Variants in SLC25A4 observed in about 807,000 individuals in gnomAD.
The protein encoded by SLC25A4 is ADP/ATP translocase 1.
In SLC25A4, 10 loss-of-function variants were observed where a neutral mutation model predicts 24.7. The observed-to-expected ratio is 0.41, with a 90% CI of 0.25 to 0.69. The LOEUF (loss-of-function observed/expected upper bound fraction) is 0.69. SLC25A4 is among the 30% of genes least tolerant of loss of function. The probability of loss-of-function intolerance (pLI) is 0.35; values close to 1 mark genes in which losing one functional copy is unlikely to be tolerated. For synonymous variants in SLC25A4, 125 were observed against 153.3 expected, an observed-to-expected ratio of 0.82 and a Z score of 1.36; for missense variants, 273 against 387.6, an observed-to-expected ratio of 0.70 and a Z score of 2.48.
Position 185,144,660 on chromosome 4 carries a change from C to T in SLC25A4, c.112-104C>T. The T allele has an allele frequency of 1.0e-5, 11 of 1,082,272 alleles. No individual in the cohort carries two copies. In the Admixed American group the frequency reaches 1.2e-4, roughly 12 times the overall value. 67.0% of individuals were successfully genotyped at this position (1,082,272 alleles called of 1,614,324 possible). On this transcript the variant is annotated intron_variant, in intron 1 of 3. Coordinates refer to ENST00000281456, the MANE Select transcript of SLC25A4 (RefSeq NM_001151.4). The stretch of plus-strand genomic sequence containing the variant: ...CATTTGATTTCCTCATCCTTTTTTT[C>T]TTCAAAAAAAAAATCTAGGAAGTGC...
chr4:185,145,397 A>C lies in SLC25A4; in HGVS notation c.598+147A>C. On this transcript the variant is annotated intron_variant, in intron 2 of 3. Transcript: ENST00000281456. This position sits in a 1 kb window ranked among gnomAD's most constrained non-coding sequence, Gnocchi z 5.5. ...GCTTCTGAATGAGGAGGTGATGTGC[A>C]TAAGTTAATAGCTGAAGCGTTCCTT... 1 of 1,210,648 alleles carries C rather than the reference A, an allele frequency of 8.3e-7. No individual in the cohort carries two copies. The allele number at this position is 1,210,648 out of a possible 1,614,324, so 75.0% of individuals were successfully genotyped here.
rs1579210785 is a variant in SLC25A4 at position 185,146,794 on chromosome 4, A to C, written c.740-20A>C. 1 of 1,614,046 alleles carries C rather than the reference A, an allele frequency of 6.2e-7. No homozygotes were observed. The highest frequency in any genetic ancestry group is 8.5e-7 in the Non-Finnish European group (1 of 1,179,950). On this transcript the variant is annotated intron_variant, in intron 3 of 3. Coordinates refer to ENST00000281456, the MANE Select transcript of SLC25A4 (RefSeq NM_001151.4). Reference sequence around the variant, plus strand: ...TTTCCTCCAGCGTTACGGAGCCCTCACCAGCATTTGTTTCCACAGCCGATA... The same window carrying C: ...TTTCCTCCAGCGTTACGGAGCCCTCCCCAGCATTTGTTTCCACAGCCGATA...
Position 185,143,330 on chromosome 4 carries a change from C to A in SLC25A4, c.-43C>A. On this transcript the variant is annotated 5_prime_UTR_variant, in exon 1 of 4. Coordinates refer to ENST00000281456, the MANE Select transcript of SLC25A4 (RefSeq NM_001151.4). ...GTGCCAGGCCGGGCGTGGGCGAGAGCACGAACGGGCTGCCTGCGGGCTGAG... is the reference window on the plus strand; with the variant it reads ...GTGCCAGGCCGGGCGTGGGCGAGAGAACGAACGGGCTGCCTGCGGGCTGAG... 1 of 1,234,890 alleles carries A rather than the reference C, an allele frequency of 8.1e-7. No individual in the cohort carries two copies. The highest frequency in any genetic ancestry group is 1.1e-6 in the Non-Finnish European group (1 of 874,024). The allele number at this position is 1,234,890 out of a possible 1,614,324, so 76.5% of individuals were successfully genotyped here.
chr4:185,145,306 A>G lies in SLC25A4; in HGVS notation c.598+56A>G, dbSNP rs1446805627. On this transcript the variant is annotated intron_variant, in intron 2 of 3. Coordinates refer to ENST00000281456, the MANE Select transcript of SLC25A4 (RefSeq NM_001151.4). The surrounding 1 kb of genome is among the most constrained non-coding windows in gnomAD (Gnocchi z 5.5). ...TGGTGTGGAAAGAGGATCCTATGGG[A>G]TCTATAACTCACAAAGGACCTGATA... 6.2e-7 allele frequency: 1 copy of G among 1,610,740 alleles called. No homozygotes were observed. The highest frequency in any genetic ancestry group is 1.3e-5 in the African/African-American group (1 of 74,894).
At position 185,144,839 on chromosome 4, in the gene SLC25A4, A is replaced by G. The variant is rs1560841664; in HGVS notation, c.187A>G (p.Lys63Glu). 1 of 1,614,114 alleles carries G rather than the reference A, an allele frequency of 6.2e-7. No homozygotes were observed. Among genetic ancestry groups the G allele is most frequent in the African/African-American group, 1.3e-5 (1 of 75,006 alleles). Residue 63 changes from lysine to glutamate, a missense_variant, in exon 2 of 4, where the codon AAG (lysine) becomes GAG (glutamate). Coordinates refer to ENST00000281456, the MANE Select transcript of SLC25A4 (RefSeq NM_001151.4). ...CATTGATTGTGTGGTGAGAATCCCT[A>G]AGGAGCAGGGCTTCCTCTCCTTCTG... ...GIIDCVVRIP[K>E]EQGFLSFWRG...
Position 185,149,676 on chromosome 4 carries a change from G to A in SLC25A4, c.*2705G>A, listed in dbSNP as rs1050264390. The A allele has an allele frequency of 1.3e-5, 2 of 152,202 alleles. No homozygotes were observed. Among genetic ancestry groups the A allele is most frequent in the African/African-American group, 2.4e-5 (1 of 41,426 alleles). 9.4% of individuals were successfully genotyped at this position (152,202 alleles called of 1,614,324 possible). A position where few individuals can be genotyped will look rare whatever the true frequency, so the allele number is the denominator to read the frequency against. ...TACGTAAAAGTGACAAGTTGGAATT[G>A]AGCGTCCGACTCTCGGGTACCTGCC... On this transcript the variant is annotated 3_prime_UTR_variant, in exon 4 of 4. Transcript: ENST00000281456.
In SLC25A4 at chr4:185,149,955, G is replaced by C. The variant is rs1230982881; in HGVS notation, c.*2984G>C. The C allele has an allele frequency of 1.3e-5, 2 of 152,244 alleles. No individual in the cohort carries two copies. The highest frequency in any genetic ancestry group is 4.8e-5 in the African/African-American group (2 of 41,466). 9.4% of individuals were successfully genotyped at this position (152,244 alleles called of 1,614,324 possible). On this transcript the variant is annotated 3_prime_UTR_variant, in exon 4 of 4. Coordinates refer to ENST00000281456, the MANE Select transcript of SLC25A4 (RefSeq NM_001151.4). The stretch of plus-strand genomic sequence containing the variant: ...TAAAAACAATGAAAACTTGTCTCAA[G>C]TATTTGTGTTGAAATCTCAATTAAC...
Position 185,149,010 on chromosome 4 carries a change from C to G in SLC25A4, c.*2039C>G, listed in dbSNP as rs1042713150. 6.6e-6 allele frequency: 1 copy of G among 152,226 alleles called. No individual in the cohort carries two copies. Among genetic ancestry groups the G allele is most frequent in the Admixed American group, 6.5e-5 (1 of 15,284 alleles). The allele number at this position is 152,226 out of a possible 1,614,324, so 9.4% of individuals were successfully genotyped here. ...CTGAGTTTTATAAAATCCAGGATCA[C>G]ATCTGACCTCACCTGGTAGATATCT... On this transcript the variant is annotated 3_prime_UTR_variant, in exon 4 of 4. Transcript: ENST00000281456.
In SLC25A4 at chr4:185,144,629, A is replaced by G. The variant is rs191636823; in HGVS notation, c.112-135A>G. On this transcript the variant is annotated intron_variant, in intron 1 of 3. Transcript: ENST00000281456. ...TAACAGTATCCATTTACACGTCCTC[A>G]GTATCCATTTGATTTCCTCATCCTT... The G allele has an allele frequency of 1.3e-5, 10 of 775,264 alleles. No individual in the cohort carries two copies. In the Admixed American group the frequency reaches 1.5e-4, roughly 11 times the overall value. The allele number at this position is 775,264 out of a possible 1,614,324, so 48.0% of individuals were successfully genotyped here. A position where few individuals can be genotyped will look rare whatever the true frequency, so the allele number is the denominator to read the frequency against.
chr4:185,146,775 C>G (rs1734448901), intron 3 of SLC25A4, 39 bp from the exon 4 acceptor site: 2 of 1,612,934 alleles, frequency 1.2e-6, no homozygotes, highest in Non-Finnish European at 1.7e-6. Context: ...TCTCTTTCCT[C>G]CAGCGTTACG....
chr4:185,148,017 T>C lies in SLC25A4; in HGVS notation c.*1046T>C, dbSNP rs2111288721. 1 of 151,846 alleles carries C rather than the reference T, an allele frequency of 6.6e-6. No homozygotes were observed. The highest frequency in any genetic ancestry group is 2.4e-5 in the African/African-American group (1 of 41,426). 9.4% of individuals were successfully genotyped at this position (151,846 alleles called of 1,614,324 possible). A position where few individuals can be genotyped will look rare whatever the true frequency, so the allele number is the denominator to read the frequency against. On this transcript the variant is annotated 3_prime_UTR_variant, in exon 4 of 4. Transcript: ENST00000281456. ...AAAGAAAGAAAATCAGTTGTCTTAG[T>C]TTAAGCTACTATAACAAGGTACTGT...
Position 185,148,570 on chromosome 4 carries a change from GA to G in SLC25A4, c.*1603del, listed in dbSNP as rs1734485281. 1 of 152,130 alleles carries G rather than the reference GA, an allele frequency of 6.6e-6. No homozygotes were observed. 9.4% of individuals were successfully genotyped at this position (152,130 alleles called of 1,614,324 possible). A position where few individuals can be genotyped will look rare whatever the true frequency, so the allele number is the denominator to read the frequency against. ...GTGGTAGGAGATGGAGGCTTTGAAA[GA>G]AAATAACCAGATTTAGAAACATGGG... On this transcript the variant is annotated 3_prime_UTR_variant, in exon 4 of 4. Transcript: ENST00000281456.
intron 1 of SLC25A4, among the ~76,000 whole-genome samples, chr4:185,144,400 A>G (rs376867473): frequency 2.0e-5 from 3 of 152,344 alleles, no homozygotes; most frequent in South Asian, 4.1e-4. Context: ...CCTTTGAAGC[A>G]GGGAGTGTTA....
chr4:185,145,053 T>C lies in SLC25A4; in HGVS notation c.401T>C (p.Leu134Pro), dbSNP rs769167616. Residue 134 changes from leucine to proline, a missense_variant, in exon 2 of 4, where the codon CTG (leucine) becomes CCG (proline). Physicochemically the swap from Leu to Pro is moderately conservative, Grantham distance 98. Coordinates refer to ENST00000281456, the MANE Select transcript of SLC25A4 (RefSeq NM_001151.4). This position sits in a 1 kb window ranked among gnomAD's most constrained non-coding sequence, Gnocchi z 5.5. ...ACCTCCCTTTGCTTTGTCTACCCGC[T>C]GGACTTTGCTAGGACCAGGTTGGCT... ...GATSLCFVYP[L>P]DFARTRLAAD... is the part of the protein sequence containing the mutation. The C allele has an allele frequency of 1.2e-6, 2 of 1,614,126 alleles. No homozygotes were observed. Among genetic ancestry groups the C allele is most frequent in the Non-Finnish European group, 1.7e-6 (2 of 1,179,984 alleles).
At position 185,147,053 on chromosome 4, in the gene SLC25A4, T is replaced by C; in HGVS notation, c.*82T>C. The C allele has an allele frequency of 1.5e-6, 2 of 1,310,150 alleles. No homozygotes were observed. Among genetic ancestry groups the C allele is most frequent in the East Asian group, 4.8e-5 (2 of 41,340 alleles). The allele number at this position is 1,310,150 out of a possible 1,614,324, so 81.2% of individuals were successfully genotyped here. ...ATCCATTGTGTGGTTTAATAGACTA[T>C]TCCTAGGGGAAGTAAAAAGATCTGG... On this transcript the variant is annotated 3_prime_UTR_variant, in exon 4 of 4. Coordinates refer to ENST00000281456, the MANE Select transcript of SLC25A4 (RefSeq NM_001151.4).
At position 185,145,612 on chromosome 4, in the gene SLC25A4, TG is replaced by T; in HGVS notation, c.599-145del. 1 of 968,532 alleles carries T rather than the reference TG, an allele frequency of 1.0e-6. No individual in the cohort carries two copies. Among genetic ancestry groups the T allele is most frequent in the Non-Finnish European group, 1.5e-6 (1 of 648,408 alleles). The allele number at this position is 968,532 out of a possible 1,614,324, so 60.0% of individuals were successfully genotyped here. Reference sequence around the variant, plus strand: ...GCAGCAGCCACCTTTGCTGTCTGCCTGGTCATATGTGAAGCACCTGCACAGG... The same window carrying T: ...GCAGCAGCCACCTTTGCTGTCTGCCTGTCATATGTGAAGCACCTGCACAGG... On this transcript the variant is annotated intron_variant, in intron 2 of 3. Coordinates refer to ENST00000281456, the MANE Select transcript of SLC25A4 (RefSeq NM_001151.4). This position sits in a 1 kb window ranked among gnomAD's most constrained non-coding sequence, Gnocchi z 5.5.
Position 185,148,068 on chromosome 4 carries a change from A to C in SLC25A4, c.*1097A>C, listed in dbSNP as rs557445191. 1.3e-5 allele frequency: 2 copies of C among 152,306 alleles called. No individual in the cohort carries two copies. The highest frequency in any genetic ancestry group is 2.9e-5 in the Non-Finnish European group (2 of 68,028). 9.4% of individuals were successfully genotyped at this position (152,306 alleles called of 1,614,324 possible). On this transcript the variant is annotated 3_prime_UTR_variant, in exon 4 of 4. Coordinates refer to ENST00000281456, the MANE Select transcript of SLC25A4 (RefSeq NM_001151.4). ...AGACTGATGGCTTATAAGCAACAGA[A>C]ACTTATTTCTCAGTTCTGTAGTCTG...
In SLC25A4 at chr4:185,144,835, C is replaced by A. The variant is rs922866907; in HGVS notation, c.183C>A (p.Ile61=). The A allele has an allele frequency of 1.2e-6, 2 of 1,614,036 alleles. No homozygotes were observed. The highest frequency in any genetic ancestry group is 8.5e-7 in the Non-Finnish European group (1 of 1,180,034). The change falls in exon 2 of 4, where the codon ATC becomes ATA. Residue 61 remains isoleucine, a synonymous_variant. Coordinates refer to ENST00000281456, the MANE Select transcript of SLC25A4 (RefSeq NM_001151.4). The part of the protein sequence containing the change: ...YKGIIDCVVR[I]PKEQGFLSFW... ...GGATCATTGATTGTGTGGTGAGAAT[C>A]CCTAAGGAGCAGGGCTTCCTCTCCT...
rs1734515265 is a variant in SLC25A4 at position 185,150,167 on chromosome 4, G to T, written c.*3196G>T. Reference sequence around the variant, plus strand: ...GGTGTTTAGCAAGTTTCTGCTGAATGGAAGAGTGAGCGAGAAGGGAAAGTG... The same window carrying T: ...GGTGTTTAGCAAGTTTCTGCTGAATTGAAGAGTGAGCGAGAAGGGAAAGTG... On this transcript the variant is annotated 3_prime_UTR_variant, in exon 4 of 4. Transcript: ENST00000281456. The T allele has an allele frequency of 6.6e-6, 1 of 152,232 alleles. No homozygotes were observed. 9.4% of individuals were successfully genotyped at this position (152,232 alleles called of 1,614,324 possible).
Sources: allele counts gnomAD v4.1 joint callset (sites outside exome capture counted in the v4.1 genomes callset), GRCh38; gene constraint gnomAD v4.1.1; non-coding constraint Gnocchi (gnomAD v3.1); transcripts MANE v1.5; gene names NCBI Gene and HGNC (gene_info 2026-07-23, HGNC 2026-07-21).